Variants in MYL10 observed in about 807,000 individuals in gnomAD.
The protein encoded by MYL10 is myosin regulatory light chain 10.
MYL10 carries 18 observed loss-of-function variants against 21.9 expected under a neutral mutation model. The ratio of observed to expected loss-of-function variants is 0.82; its 90% CI spans 0.57 to 1.22. The LOEUF (loss-of-function observed/expected upper bound fraction) is 1.22. Among genes scored for constraint, MYL10 ranks in the 50% most tolerant of loss-of-function variants. MYL10 has a pLI of 0.00. For synonymous variants in MYL10, 88 were observed against 82.8 expected, an observed-to-expected ratio of 1.06 and a Z score of -0.34; for missense variants, 225 against 230.4, an observed-to-expected ratio of 0.98 and a Z score of 0.15.
Position 101,613,475 on chromosome 7 carries a change from C to T in MYL10, c.681G>A (p.Ter227=), listed in dbSNP as rs776920582. Reference sequence around the variant, plus strand: ...GAATGTCGGGGAGACTTGTGATCCCCTAATCCTTCTCTTCACCGTGAGTGA... The same window carrying T: ...GAATGTCGGGGAGACTTGTGATCCCTTAATCCTTCTCTTCACCGTGAGTGA... The part of the protein sequence containing the change: ...YVITHGEEKD[*] Residue 227 remains the stop codon, a stop_retained_variant, in exon 8 of 8, where the codon TAG becomes TAA. Coordinates refer to ENST00000223167, the MANE Select transcript of MYL10 (RefSeq NM_138403.5). The T allele has an allele frequency of 2.5e-6, 4 of 1,613,588 alleles. No homozygotes were observed. Among genetic ancestry groups the T allele is most frequent in the Non-Finnish European group, 8.5e-7 (1 of 1,179,464 alleles).
intron 6 of MYL10, 108 bp from the exon 7 acceptor site, chr7:101,613,818 C>T: frequency 1.9e-6 from 2 of 1,078,994 alleles, no homozygotes; most frequent in Admixed American, 1.8e-5. Flanking sequence ...ACATCCTGGA[C>T]CAGGAGGACA....
chr7:101,616,189 G>A (rs1484396428), intron 6 of MYL10, 31 bp downstream of exon 6: 3 of 1,601,198 alleles, frequency 1.9e-6, no homozygotes, highest in Non-Finnish European at 2.6e-6. Context: ...TTATTCCCCT[G>A]AGCATTTTGG....
intron 5 of MYL10, among the ~76,000 whole-genome samples, chr7:101,616,667 C>T (rs1584537211): frequency 1.3e-5 from 2 of 152,188 alleles, no homozygotes; most frequent in African/African-American, 2.4e-5. Flanking sequence ...CCCAGGGTCT[C>T]ACAGCTGCAT....
At chr7:101,628,866 TAAG>T (rs1351525741) in intron 1 of MYL10, among the ~76,000 whole-genome samples, 172 bp downstream of exon 1, 2 of 152,170 alleles carry the variant, frequency 1.3e-5, no homozygotes, top group African/African-American at 2.4e-5. Context: ...ATAATAATAA[TAAG>T]AAGAGCAGCT....
At chr7:101,621,106 C>T (rs1796672387) in intron 5 of MYL10, among the ~76,000 whole-genome samples, 1 of 151,922 alleles carries the variant, frequency 6.6e-6, no homozygotes, top group African/African-American at 2.4e-5. Flanking sequence ...TTCCTTCTGA[C>T]CACGGAACCC....
intron 1 of MYL10, 83 bp downstream of exon 1, chr7:101,628,958 G>A: frequency 4.6e-6 from 2 of 431,976 alleles, no homozygotes; most frequent in Non-Finnish European, 9.1e-6. Context: ...TTCCAGATGA[G>A]GAAACTGAGG....
chr7:101,616,388 G>A (rs754367637), intron 5 of MYL10, 90 bp from the exon 6 acceptor site: 194 of 1,022,658 alleles, frequency 1.9e-4, no homozygotes, highest in Non-Finnish European at 2.3e-4. Flanking sequence ...CTGGGGCTGG[G>A]GGCAAGTCCC....
intron 6 of MYL10, 152 bp from the exon 7 acceptor site, chr7:101,613,862 T>G: frequency 2.8e-6 from 2 of 712,374 alleles, no homozygotes; most frequent in Admixed American, 2.5e-5. Flanking sequence ...GCCCCCCCGA[T>G]GGCCAAGTAG....
chr7:101,619,300 C>T (rs566052301), intron 5 of MYL10, among the ~76,000 whole-genome samples: 5 of 152,316 alleles, frequency 3.3e-5, no homozygotes, highest in Admixed American at 6.5e-5. Flanking sequence ...GAATAGGCCC[C>T]GACAAGCTGC....
chr7:101,621,677 C>A (rs939242522), intron 5 of MYL10, among the ~76,000 whole-genome samples: 1 of 152,066 alleles, frequency 6.6e-6, no homozygotes, highest in African/African-American at 2.4e-5. Context: ...CAACCTTCAC[C>A]TCCCAGGCTC....
At position 101,624,035 on chromosome 7, in the gene MYL10, A is replaced by AAAT. The variant is rs377013054; in HGVS notation, c.172-17_172-15dup. ...CAGAGCCAGACTCTGTCAAACAAAC[A>AAAT]AATAATAATAATAATAATAGTAATA... On this transcript the variant is annotated splice_polypyrimidine_tract_variant and intron_variant, in intron 2 of 7. Transcript: ENST00000223167. 1.5e-4 allele frequency: 100 copies of AAAT among 653,080 alleles called. No individual in the cohort carries two copies. Among genetic ancestry groups the AAAT allele is most frequent in the Admixed American group, 2.2e-4 (9 of 40,364 alleles). The allele number at this position is 653,080 out of a possible 1,614,324, so 40.5% of individuals were successfully genotyped here. A position where few individuals can be genotyped will look rare whatever the true frequency, so the allele number is the denominator to read the frequency against.
In MYL10 at chr7:101,625,553, C is replaced by T. The variant is rs531547351; in HGVS notation, c.79-1289G>A. ...CTCCCCCAACGCCTGTGTGGTCTCC[C>T]CTGCCCCCAGCTCACTGCTGTCCCC... On this transcript the variant is annotated intron_variant, in intron 1 of 7. Transcript: ENST00000223167. 2.8e-4 allele frequency among the ~76,000 whole-genome samples: 43 copies of T among 152,174 alleles called. 2 individuals carry two copies. Among genetic ancestry groups the T allele is most frequent in the African/African-American group, 9.9e-4 (41 of 41,520 alleles).
In MYL10 at chr7:101,629,291, C is replaced by G. The variant is rs889601676; in HGVS notation, c.-173G>C. ...TAGGCGGACCATGCAGACAGGCAGG[C>G]TATGGGGCTCCGACCCCACGGCAGT... On this transcript the variant is annotated 5_prime_UTR_variant, in exon 1 of 8. Transcript: ENST00000223167. 3 of 241,960 alleles carry G rather than the reference C, an allele frequency of 1.2e-5. No individual in the cohort carries two copies. The highest frequency in any genetic ancestry group is 5.2e-5 in the Admixed American group (1 of 19,152). The allele number at this position is 241,960 out of a possible 1,614,324, so 15.0% of individuals were successfully genotyped here.
At chr7:101,622,898 G>GCCTCTCA (rs374258725) in intron 4 of MYL10, 99 bp downstream of exon 4, 6 of 1,063,684 alleles carry the variant, frequency 5.6e-6, no homozygotes, top group Middle Eastern at 2.3e-4. Flanking sequence ...CAGCACAGGA[G>GCCTCTCA]CCTCTCACGC....
chr7:101,628,126 A>G (rs1796768253), intron 1 of MYL10, among the ~76,000 whole-genome samples: 1 of 152,208 alleles, frequency 6.6e-6, no homozygotes, highest in African/African-American at 2.4e-5. Flanking sequence ...GGGCACTGAA[A>G]TGCTCAATGA....
chr7:101,613,617 G>A (rs1170141649), intron 7 of MYL10, 44 bp from the exon 8 acceptor site: 4 of 1,613,500 alleles, frequency 2.5e-6, no homozygotes, highest in Non-Finnish European at 3.4e-6. Context: ...CCAAGTGGGG[G>A]CCAGAGCAGA....
chr7:101,616,260 C>G lies in MYL10; in HGVS notation c.493G>C (p.Val165Leu), dbSNP rs372517822. ...PEETILHAFK[V>L]FDTEGKGFVK... ...AAACCTTTCCCTTCAGTGTCGAACA[C>G]TTTGAAGGCGTGGAGAATGGTCTCC... is the stretch of plus-strand genomic sequence containing the variant. Residue 165 changes from valine (V) to leucine (L), a missense_variant, in exon 6 of 8, where the codon GTG (valine) becomes CTG (leucine). Transcript: ENST00000223167. 3.9e-5 allele frequency: 63 copies of G among 1,614,038 alleles called. No individual in the cohort carries two copies. The highest frequency in any genetic ancestry group is 1.6e-4 in the Middle Eastern group (1 of 6,082).
At chr7:101,620,942 C>G (rs1282530898) in intron 5 of MYL10, among the ~76,000 whole-genome samples, 1 of 152,040 alleles carries the variant, frequency 6.6e-6, no homozygotes, top group African/African-American at 2.4e-5. Context: ...GCACCCACCA[C>G]CATGCCCAGC....
In MYL10 at chr7:101,616,097, G is replaced by C. The variant is rs1360525553; in HGVS notation, c.533+123C>G. 4 of 721,770 alleles carry C rather than the reference G, an allele frequency of 5.5e-6. No individual in the cohort carries two copies. The South Asian group carries it at 6.7e-5, about 12-fold the overall frequency. The allele number at this position is 721,770 out of a possible 1,614,324, so 44.7% of individuals were successfully genotyped here. On this transcript the variant is annotated intron_variant, in intron 6 of 7. Transcript: ENST00000223167. ...AAGGGACATCAAGCGATATCACTGGGCTGGGCAGCGGCCCCCCAGCTCCTG... is the reference window on the plus strand; with the variant it reads ...AAGGGACATCAAGCGATATCACTGGCCTGGGCAGCGGCCCCCCAGCTCCTG...
Sources: allele counts gnomAD v4.1 joint callset (sites outside exome capture counted in the v4.1 genomes callset), GRCh38; gene constraint gnomAD v4.1.1; transcripts MANE v1.5; gene names NCBI Gene and HGNC (gene_info 2026-07-23, HGNC 2026-07-21).